The following WDR7 variants were observed in gnomAD, a reference collection of about 807,000 sequenced individuals.
WDR7 encodes the protein WD repeat-containing protein 7.
In WDR7, 46 loss-of-function variants were observed where a neutral mutation model predicts 169.4. That is an observed-to-expected ratio of 0.27 (90% CI 0.21 to 0.35). The LOEUF is 0.35. Among genes scored for constraint, WDR7 ranks in the 10% least tolerant of loss-of-function variants. WDR7 has a pLI of 1.00. For synonymous variants in WDR7, 612 were observed against 666.8 expected, an observed-to-expected ratio of 0.92 and a Z score of 1.27; for missense variants, 1,534 against 1,859.3, an observed-to-expected ratio of 0.83 and a Z score of 3.22.
At chr18:56,949,186 C>T (rs897697104) in intron 25 of WDR7, among the ~76,000 whole-genome samples, 7 of 151,390 alleles carry the variant, frequency 4.6e-5, no homozygotes, top group African/African-American at 1.5e-4. Context: ...TCTTTGATTA[C>T]GAAATGCTTT....
chr18:56,907,084 C>A (rs1322874238), intron 21 of WDR7, among the ~76,000 whole-genome samples: 1 of 152,116 alleles, frequency 6.6e-6, no homozygotes, highest in Admixed American at 6.6e-5. Context: ...CTCAGCTTTC[C>A]AAGTCTGTGT....
chr18:56,745,647 T>G (rs1036851029), intron 14 of WDR7, among the ~76,000 whole-genome samples: 2 of 152,154 alleles, frequency 1.3e-5, no homozygotes, highest in African/African-American at 4.8e-5. Context: ...AGGACCCCGT[T>G]CCTAACAAGC....
chr18:56,864,349 C>T (rs1378686976), intron 20 of WDR7, among the ~76,000 whole-genome samples: 1 of 151,510 alleles, frequency 6.6e-6, no homozygotes, highest in African/African-American at 2.4e-5. Context: ...AGCTTGAAAT[C>T]TGTATTAAAT....
chr18:56,753,619 G>A (rs200366850), intron 14 of WDR7, among the ~76,000 whole-genome samples: 1 of 141,028 alleles, frequency 7.1e-6, no homozygotes, highest in African/African-American at 2.7e-5. Flanking sequence ...AAATTTACTG[G>A]GGGACAACTG....
At chr18:56,745,556 G>A (rs574782030) in intron 14 of WDR7, among the ~76,000 whole-genome samples, 31 of 152,212 alleles carry the variant, frequency 2.0e-4, no homozygotes, top group African/African-American at 7.0e-4. Context: ...ACTCCTATGA[G>A]AAGCTAATGC....
At chr18:57,010,194 G>A in intron 26 of WDR7, 6 of 985,362 alleles carry the variant, frequency 6.1e-6, no homozygotes, top group Non-Finnish European at 6.0e-6. Flanking sequence ...TTTTCTATTA[G>A]AAATACTGAA....
intron 20 of WDR7, among the ~76,000 whole-genome samples, chr18:56,857,975 C>G (rs914281769): frequency 6.6e-6 from 1 of 151,786 alleles, no homozygotes; most frequent in Non-Finnish European, 1.5e-5. Flanking sequence ...CTGCTTGGTC[C>G]CCTCCTCTCT....
chr18:56,965,731 C>T (rs1342421914), intron 26 of WDR7, among the ~76,000 whole-genome samples: 1 of 152,062 alleles, frequency 6.6e-6, no homozygotes, highest in Admixed American at 6.6e-5. Flanking sequence ...TGGCCCTTTA[C>T]AGAAAGGGTT....
At position 56,893,608 on chromosome 18, in the gene WDR7, G is replaced by A. The variant is rs147271449; in HGVS notation, c.3526+13443G>A. ...GTGTGTCAAACGGTAGGTGCTCATG[G>A]ACTTCTTGTTGCTACCCAATTCAAC... On this transcript the variant is annotated intron_variant, in intron 21 of 27. Coordinates refer to ENST00000254442, the MANE Select transcript of WDR7 (RefSeq NM_015285.3). Among the ~76,000 whole-genome samples the A allele has an allele frequency of 7.2e-5, 11 of 152,184 alleles. No homozygotes were observed. The East Asian group carries it at 2.1e-3, about 29-fold the overall frequency.
intron 23 of WDR7, among the ~76,000 whole-genome samples, 163 bp from the exon 24 acceptor site, chr18:56,938,360 CTATTGAGTTT>C (rs2046986952): frequency 6.6e-6 from 1 of 152,092 alleles, no homozygotes; most frequent in Admixed American, 6.6e-5. Context: ...TAGGCAATAC[CTATTGAGTTT>C]TTATTATACT....
chr18:56,713,931 T>G (rs559241375), intron 12 of WDR7, among the ~76,000 whole-genome samples: 48 of 152,346 alleles, frequency 3.2e-4, no homozygotes, highest in African/African-American at 1.1e-3. Context: ...GTGCTTTTAT[T>G]TAACAGAAAG....
chr18:57,022,141 C>T (rs997572304), intron 27 of WDR7, among the ~76,000 whole-genome samples: 5 of 152,216 alleles, frequency 3.3e-5, no homozygotes, highest in African/African-American at 1.2e-4. Context: ...TTTTCCACTC[C>T]TGAAATTCCA....
intron 25 of WDR7, among the ~76,000 whole-genome samples, chr18:56,950,805 G>C (rs961921342): frequency 4.6e-5 from 7 of 152,248 alleles, no homozygotes; most frequent in South Asian, 2.1e-4. Flanking sequence ...GATTCCAGAA[G>C]GGGACCTCCT....
chr18:56,846,843 G>A (rs1437681844), intron 20 of WDR7, among the ~76,000 whole-genome samples: 2 of 152,156 alleles, frequency 1.3e-5, no homozygotes, highest in African/African-American at 2.4e-5. Context: ...ACAGCCTGCA[G>A]AGCCATGAGC....
At chr18:57,014,177 T>C (rs935427490) in intron 26 of WDR7, among the ~76,000 whole-genome samples, 1 of 147,364 alleles carries the variant, frequency 6.8e-6, no homozygotes, top group African/African-American at 2.5e-5. Flanking sequence ...AATACAAAAA[T>C]TAGCTGGGCG....
At chr18:57,032,999 A>G (rs1234391404), downstream of WDR7, 1 of 151,892 alleles carries the variant, frequency 6.6e-6, no homozygotes, top group Non-Finnish European at 1.5e-5. Context: ...ACCCAGCGGC[A>G]CTTCAAGTTT....
At chr18:56,900,082 GTATA>G (rs1191116351) in intron 21 of WDR7, among the ~76,000 whole-genome samples, 215 of 32,056 alleles carry the variant, frequency 6.7e-3, no homozygotes, top group East Asian at 0.045. Flanking sequence ...GTGTGTGTGT[GTATA>G]TATATATATA....
chr18:56,884,719 A>G (rs114692310), intron 21 of WDR7, among the ~76,000 whole-genome samples: 277 of 152,292 alleles, frequency 1.8e-3, no homozygotes, highest in African/African-American at 6.3e-3. Flanking sequence ...CCCTGATAGC[A>G]AAGACAAAGG....
At chr18:56,660,658 T>A (rs1159467718) in intron 1 of WDR7, among the ~76,000 whole-genome samples, 2 of 145,622 alleles carry the variant, frequency 1.4e-5, no homozygotes, top group African/African-American at 2.6e-5. Flanking sequence ...ATTTAAAGGT[T>A]AAAAAAAAAA....
Sources: gnomAD v4.1 joint callset for allele counts (sites outside exome capture counted in the v4.1 genomes callset) on GRCh38, gnomAD v4.1.1 for gene constraint, MANE v1.5 for transcripts, NCBI Gene and HGNC (gene_info 2026-07-23, HGNC 2026-07-21) for gene names.